The following C3orf49 variants were observed in gnomAD, a reference collection of about 807,000 sequenced individuals.
The protein encoded by C3orf49 is chromosome 3 open reading frame 49.
Under a neutral mutation model 13.3 loss-of-function variants are expected in C3orf49, and 27 were observed. The ratio of observed to expected loss-of-function variants is 2.02; its 90% CI spans 1.49 to 2.79. The LOEUF is 2.79. Ranked by LOEUF, C3orf49 falls within the 30% of genes most tolerant of loss-of-function variation. C3orf49 has a pLI of 0.00. For synonymous variants in C3orf49, 87 were observed against 47.6 expected (o/e 1.83, Z -3.40); for missense variants, 242 against 134.2 (o/e 1.80, Z -3.97).
chr3:63,823,765 GTT>G (rs1701429352), intron 2 of C3orf49, among the ~76,000 whole-genome samples, 196 bp downstream of exon 2: 1 of 123,356 alleles, frequency 8.1e-6, no homozygotes, highest in African/African-American at 3.2e-5. Flanking sequence ...TGTTCATACC[GTT>G]GTGTGTGTGT....
At chr3:63,840,259 A>G (rs140452899) in intron 5 of C3orf49, among the ~76,000 whole-genome samples, 25 of 152,328 alleles carry the variant, frequency 1.6e-4, no homozygotes, top group African/African-American at 5.5e-4. Flanking sequence ...GGAAATATTT[A>G]AAAGATGTAG....
the C3orf49 span, among the ~76,000 whole-genome samples, chr3:63,791,449 A>C: frequency 6.6e-6 from 1 of 152,202 alleles, no homozygotes; most frequent in Non-Finnish European, 1.5e-5. Flanking sequence ...TACTGAGAGA[A>C]AAGGTGAGCT....
chr3:63,835,270 A>C (rs1280864234), intron 5 of C3orf49: 1 of 1,609,322 alleles, frequency 6.2e-7, no homozygotes, highest in South Asian at 1.1e-5. Context: ...GTATATATAG[A>C]TATATAGACA....
At chr3:63,844,166 G>A (rs921447286) in intron 5 of C3orf49, among the ~76,000 whole-genome samples, 1 of 152,192 alleles carries the variant, frequency 6.6e-6, no homozygotes, top group African/African-American at 2.4e-5. Context: ...CACAGAAATA[G>A]AGAGTATAAT....
At chr3:63,814,319 T>C (rs1391962354), upstream of C3orf49, among the ~76,000 whole-genome samples, 1 of 152,076 alleles carries the variant, frequency 6.6e-6, no homozygotes, top group Non-Finnish European at 1.5e-5. Flanking sequence ...TTCAATAGAA[T>C]TGGATTGGTC....
the C3orf49 span, chr3:63,782,965 G>C: frequency 6.6e-6 from 1 of 152,128 alleles, no homozygotes; most frequent in African/African-American, 2.4e-5. Context: ...ATGACTAATG[G>C]GATTTTATTT....
chr3:63,808,780 C>T, the C3orf49 span, among the ~76,000 whole-genome samples: 2 of 152,112 alleles, frequency 1.3e-5, no homozygotes, highest in Admixed American at 6.6e-5. Flanking sequence ...CCTACCCCTT[C>T]ACTCCCTGCC....
At chr3:63,790,129 C>T in the C3orf49 span, among the ~76,000 whole-genome samples, 1 of 152,092 alleles carries the variant, frequency 6.6e-6, no homozygotes, top group Non-Finnish European at 1.5e-5. Context: ...CAGACCCAGC[C>T]TCAGAATCCT....
At chr3:63,836,337 A>G in intron 5 of C3orf49, 4 of 1,612,692 alleles carry the variant, frequency 2.5e-6, no homozygotes, top group Non-Finnish European at 3.4e-6. Flanking sequence ...GTGCTGAATC[A>G]CTTTTGCCAA....
chr3:63,792,782 A>T, the C3orf49 span, among the ~76,000 whole-genome samples: 1 of 152,228 alleles, frequency 6.6e-6, no homozygotes, highest in Non-Finnish European at 1.5e-5. Flanking sequence ...ATTGGCATCA[A>T]GTAGCCCAAA....
At chr3:63,830,990 TATGTGGCAAA>T in intron 3 of C3orf49, 110 bp from the exon 4 acceptor site, 1 of 612,672 alleles carries the variant, frequency 1.6e-6, no homozygotes, top group Non-Finnish European at 2.9e-6. Flanking sequence ...CCAATATTGT[TATGTGGCAAA>T]TGTTCAGTTT....
At chr3:63,821,138 T>C (rs1252410477) in intron 1 of C3orf49, among the ~76,000 whole-genome samples, 8 of 152,196 alleles carry the variant, frequency 5.3e-5, no homozygotes, top group Non-Finnish European at 1.5e-5. Context: ...CCAAAGCTTA[T>C]AGAGGTTACA....
At chr3:63,788,693 C>T in the C3orf49 span, among the ~76,000 whole-genome samples, 1 of 150,830 alleles carries the variant, frequency 6.6e-6, no homozygotes, top group African/African-American at 2.4e-5. Context: ...CATAACAGCC[C>T]GGAGGAAGAT....
At chr3:63,818,285 G>T (rs1303709017), upstream of C3orf49, among the ~76,000 whole-genome samples, 1 of 152,318 alleles carries the variant, frequency 6.6e-6, no homozygotes, top group Non-Finnish European at 1.5e-5. Flanking sequence ...ATTGGCCAAG[G>T]TCACATAGCT....
At chr3:63,799,761 A>G in the C3orf49 span, among the ~76,000 whole-genome samples, 45 of 152,184 alleles carry the variant, frequency 3.0e-4, 1 homozygote, top group Admixed American at 2.9e-3. Context: ...TTGAAACAGC[A>G]AAGCAGAAAT....
intron 3 of C3orf49, among the ~76,000 whole-genome samples, chr3:63,830,848 T>C (rs975213635): frequency 6.6e-6 from 1 of 152,154 alleles, no homozygotes; most frequent in Admixed American, 6.5e-5. Flanking sequence ...ACCTGCTTTT[T>C]TCCTGATGCT....
rs3830344 is a variant in C3orf49 at position 63,831,135 on chromosome 3, C to CACACT, written c.597_601dup (p.Phe201TyrfsTer22). ...GGGCCATATTCACCAAAAAAGAGAC[C>CACACT]ACACTTTCCAGCACTTAAAAAAAAG... On this transcript the variant is annotated frameshift_variant, in exon 4 of 7. Transcript: ENST00000295896. LOFTEE classifies it high-confidence loss of function. 6.9e-3 allele frequency: 4,849 copies of CACACT among 702,208 alleles called. 267 individuals are homozygous for CACACT. The East Asian group carries it at 0.12, about 17-fold the overall frequency. The allele number at this position is 702,208 out of a possible 1,614,324, so 43.5% of individuals were successfully genotyped here. A position where few individuals can be genotyped will look rare whatever the true frequency, so the allele number is the denominator to read the frequency against.
chr3:63,842,944 G>C (rs1164962167), intron 5 of C3orf49, among the ~76,000 whole-genome samples: 1 of 151,826 alleles, frequency 6.6e-6, no homozygotes, highest in Admixed American at 6.6e-5. Flanking sequence ...ATCATGCCTA[G>C]CTAATTTTTG....
At chr3:63,809,648 C>T in the C3orf49 span, among the ~76,000 whole-genome samples, 1 of 152,184 alleles carries the variant, frequency 6.6e-6, no homozygotes, top group Admixed American at 6.5e-5. Context: ...TCTTCTACCA[C>T]TCTTGCTCTC....
Sources: allele counts gnomAD v4.1 joint callset (sites outside exome capture counted in the v4.1 genomes callset), GRCh38; gene constraint gnomAD v4.1.1; transcripts MANE v1.5; gene names NCBI Gene and HGNC (gene_info 2026-07-23, HGNC 2026-07-21).